The following THUMPD3 variants were observed in gnomAD, a reference collection of about 807,000 sequenced individuals.
THUMPD3 encodes THUMP domain 3 tRNA guanosine methyltransferase, also known as tRNA (guanine(6)-N(2))-methyltransferase THUMP3.
Under a neutral mutation model 54.5 loss-of-function variants are expected in THUMPD3, and 44 were observed. The ratio of observed to expected loss-of-function variants is 0.81; its 90% confidence interval spans 0.63 to 1.04. The LOEUF (loss-of-function observed/expected upper bound fraction) is 1.04. THUMPD3 is among the 50% of genes least tolerant of loss of function. The pLI, the probability that THUMPD3 is intolerant of heterozygous loss-of-function variation, is 0.00. For missense variants in THUMPD3, 604 were observed against 601.3 expected (o/e 1.00, Z -0.05); for synonymous variants, 196 against 201.4 (o/e 0.97, Z 0.23).
chr3:9,368,944 A>G (rs780510872), intron 3 of THUMPD3, among the ~76,000 whole-genome samples: 2 of 152,134 alleles, frequency 1.3e-5, no homozygotes, highest in Non-Finnish European at 2.9e-5. Flanking sequence ...CTTTTTTTTC[A>G]TATACAAGTT....
chr3:9,369,533 G>T (rs951769366), intron 3 of THUMPD3, among the ~76,000 whole-genome samples: 2 of 152,046 alleles, frequency 1.3e-5, no homozygotes, highest in Non-Finnish European at 2.9e-5. Flanking sequence ...CATCATGTTG[G>T]CACTTCAAAA....
chr3:9,363,164 C>T (rs1031420386), intron 1 of THUMPD3, 37 bp downstream of exon 1: 51 of 152,434 alleles, frequency 3.3e-4, no homozygotes, highest in African/African-American at 1.1e-3. Flanking sequence ...GAGTGTGGCT[C>T]TTCTGGTGTT....
chr3:9,367,594 T>C (rs111644784), intron 3 of THUMPD3, among the ~76,000 whole-genome samples: 22 of 152,348 alleles, frequency 1.4e-4, no homozygotes, highest in African/African-American at 5.1e-4. Context: ...TAAAAACATT[T>C]TTCTATCAGT....
intron 1 of THUMPD3, among the ~76,000 whole-genome samples, chr3:9,364,259 C>G (rs1341572245): frequency 2.6e-5 from 4 of 151,858 alleles, no homozygotes; most frequent in Non-Finnish European, 5.9e-5. Context: ...GTCATTCAAC[C>G]TATGATGGTG....
At chr3:9,370,598 C>T (rs2031949946) in intron 3 of THUMPD3, among the ~76,000 whole-genome samples, 2 of 152,302 alleles carry the variant, frequency 1.3e-5, no homozygotes, top group South Asian at 4.1e-4. Context: ...GCACGTGCCA[C>T]CATGCCCAGT....
chr3:9,382,220 A>AT (rs780058527), intron 7 of THUMPD3, among the ~76,000 whole-genome samples: 1 of 151,888 alleles, frequency 6.6e-6, no homozygotes, highest in Non-Finnish European at 1.5e-5. Context: ...CTTTTATTGC[A>AT]TTTTTTTCTT....
At chr3:9,381,906 A>G (rs1292837872) in intron 7 of THUMPD3, among the ~76,000 whole-genome samples, 3 of 149,426 alleles carry the variant, frequency 2.0e-5, no homozygotes, top group African/African-American at 7.4e-5. Flanking sequence ...CAGCCTCCCA[A>G]GTAGCTGGGA....
chr3:9,372,265 A>T (rs551201750), intron 4 of THUMPD3, among the ~76,000 whole-genome samples: 1 of 152,326 alleles, frequency 6.6e-6, no homozygotes, highest in African/African-American at 2.4e-5. Context: ...TCTTGGTTGC[A>T]GAGCTTTGCT....
At chr3:9,375,886 G>C (rs1176635433) in intron 5 of THUMPD3, among the ~76,000 whole-genome samples, 1 of 152,168 alleles carries the variant, frequency 6.6e-6, no homozygotes, top group East Asian at 1.9e-4. Flanking sequence ...GCAAAATATG[G>C]TATTATAATT....
At chr3:9,366,483 A>C (rs2031575498) in intron 2 of THUMPD3, among the ~76,000 whole-genome samples, 1 of 152,198 alleles carries the variant, frequency 6.6e-6, no homozygotes, top group Non-Finnish European at 1.5e-5. Context: ...TATCCTCATT[A>C]ATCATTAGGC....
At chr3:9,376,331 CTGTGGACTCT>C (rs1412452690) in intron 5 of THUMPD3, among the ~76,000 whole-genome samples, 1 of 152,216 alleles carries the variant, frequency 6.6e-6, no homozygotes, top group African/African-American at 2.4e-5. Context: ...CCCTTAGAGC[CTGTGGACTCT>C]TGTCTCTTCT....
At chr3:9,377,106 A>G (rs1192555581) in intron 5 of THUMPD3, among the ~76,000 whole-genome samples, 1 of 152,146 alleles carries the variant, frequency 6.6e-6, no homozygotes, top group Non-Finnish European at 1.5e-5. Flanking sequence ...CAGTAACCTT[A>G]TATTGATGCA....
intron 7 of THUMPD3, among the ~76,000 whole-genome samples, chr3:9,381,749 A>G (rs1437227456): frequency 1.0e-5 from 1 of 97,002 alleles, no homozygotes; most frequent in Admixed American, 1.2e-4. Flanking sequence ...TGTCTGTTCA[A>G]CCCGTACTTT....
At position 9,374,749 on chromosome 3, in the gene THUMPD3, G is replaced by T. The variant is rs200366879; in HGVS notation, c.938+103G>T. The T allele has an allele frequency of 1.2e-4, 156 of 1,275,252 alleles. No homozygotes were observed. The East Asian group carries it at 3.0e-3, about 25-fold the overall frequency. 79.0% of individuals were successfully genotyped at this position (1,275,252 alleles called of 1,614,324 possible). Reference sequence around the variant, plus strand: ...TATGTGTGTTTGAGGTACTGTGTTGGAATAGAGTGGATAAAGAATAGAATG... The same window carrying T: ...TATGTGTGTTTGAGGTACTGTGTTGTAATAGAGTGGATAAAGAATAGAATG... On this transcript the variant is annotated intron_variant, in intron 5 of 9. Transcript: ENST00000452837.
chr3:9,371,103 C>T lies in THUMPD3; in HGVS notation c.374C>T (p.Pro125Leu), dbSNP rs150258248. 5 of 1,582,126 alleles carry T rather than the reference C, an allele frequency of 3.2e-6. No individual in the cohort carries two copies. Among genetic ancestry groups the T allele is most frequent in the Middle Eastern group, 1.7e-4 (1 of 5,884 alleles). The change falls in exon 4 of 10, where the codon CCA (proline) becomes CTA (leucine). Residue 125 changes from proline to leucine, a missense_variant. Physicochemically the swap from Pro to Leu is moderately conservative, Grantham distance 98 (BLOSUM62 -3). Coordinates refer to ENST00000452837, the MANE Select transcript of THUMPD3 (RefSeq NM_001114092.2). Reference protein sequence around the residue: ...KDFEDLAGKLPWSNPLKVWKI... With the variant: ...KDFEDLAGKLLWSNPLKVWKI... ...TTTGAAGACTTGGCTGGAAAACTCC[C>T]ATGGTCAAACCCCTTAAAAGTGTGG...
At position 9,365,128 on chromosome 3, in the gene THUMPD3, G is replaced by A; in HGVS notation, c.60G>A (p.Gln20=). 2 of 1,614,204 alleles carry A rather than the reference G, an allele frequency of 1.2e-6. No individual in the cohort carries two copies. The highest frequency in any genetic ancestry group is 1.7e-6 in the Non-Finnish European group (2 of 1,180,046). Residue 20 remains glutamine (Q), a synonymous_variant, in exon 2 of 10, where the codon CAG becomes CAA. Transcript: ENST00000452837. ...QLLDVNLHEN[Q]KSVQVTESDL... ...TAGATGTGAACCTTCATGAGAACCA[G>A]AAGTCTGTACAAGTGACAGAAAGTG... is the stretch of plus-strand genomic sequence containing the variant.
At chr3:9,375,643 C>T (rs963272703) in intron 5 of THUMPD3, among the ~76,000 whole-genome samples, 4 of 152,204 alleles carry the variant, frequency 2.6e-5, no homozygotes, top group African/African-American at 9.6e-5. Context: ...TCATGCATCA[C>T]TTAATGACAG....
Position 9,365,105 on chromosome 3 carries a change from G to C in THUMPD3, c.37G>C (p.Asp13His), listed in dbSNP as rs765800830. The C allele has an allele frequency of 1.1e-5, 18 of 1,614,224 alleles. No homozygotes were observed. The highest frequency in any genetic ancestry group is 1.0e-5 in the Non-Finnish European group (12 of 1,180,044). Reference sequence around the variant, plus strand: ...TGAAGAAGCCACTAACCAACTCCTAGATGTGAACCTTCATGAGAACCAGAA... The same window carrying C: ...TGAAGAAGCCACTAACCAACTCCTACATGTGAACCTTCATGAGAACCAGAA... ...DIEEATNQLLDVNLHENQKSV... is the reference protein window; with the variant it reads ...DIEEATNQLLHVNLHENQKSV... The change falls in exon 2 of 10, where the codon GAT (aspartate) becomes CAT (histidine). Residue 13 changes from aspartate to histidine, a missense_variant. Physicochemically the swap from Asp to His is moderately conservative, Grantham distance 81. Coordinates refer to ENST00000452837, the MANE Select transcript of THUMPD3 (RefSeq NM_001114092.2).
intron 5 of THUMPD3, 148 bp downstream of exon 5, chr3:9,374,794 C>A: frequency 2.2e-6 from 2 of 929,726 alleles, no homozygotes; most frequent in Non-Finnish European, 1.6e-6. Context: ...TGATCTATTT[C>A]TTTCCCTTCT....
Sources: gnomAD v4.1 joint callset for allele counts (sites outside exome capture counted in the v4.1 genomes callset) on GRCh38, gnomAD v4.1.1 for gene constraint, MANE v1.5 for transcripts, NCBI Gene and HGNC (gene_info 2026-07-23, HGNC 2026-07-21) for gene names.